Variants in CHN1 observed in about 807,000 individuals in gnomAD.
The protein encoded by CHN1 is N-chimaerin.
CHN1 carries 37 observed loss-of-function variants against 59.5 expected under a neutral mutation model. That is an observed-to-expected ratio of 0.62 (90% CI 0.48 to 0.82). The LOEUF (loss-of-function observed/expected upper bound fraction) is 0.82. Ranked by LOEUF, CHN1 falls within the 40% of genes least tolerant of loss-of-function variation. The probability of loss-of-function intolerance (pLI) is 0.00; values close to 1 mark genes in which losing one functional copy is unlikely to be tolerated. For missense variants in CHN1, 469 were observed against 571.0 expected, an observed-to-expected ratio of 0.82 and a Z score of 1.82; for synonymous variants, 206 against 200.4, an observed-to-expected ratio of 1.03 and a Z score of -0.24.
intron 7 of CHN1, among the ~76,000 whole-genome samples, chr2:174,840,048 A>G (rs1574075701): frequency 6.6e-6 from 1 of 151,644 alleles, no homozygotes; most frequent in East Asian, 1.9e-4. Context: ...TCAGGCAGAG[A>G]TGTCATTTGT....
At chr2:174,981,782 C>T (rs1185347928) in intron 1 of CHN1, among the ~76,000 whole-genome samples, 1 of 152,036 alleles carries the variant, frequency 6.6e-6, no homozygotes, top group Non-Finnish European at 1.5e-5. Context: ...AGTACAGTAT[C>T]AAATACACAC....
At chr2:174,900,291 A>T (rs1688346599) in intron 5 of CHN1, among the ~76,000 whole-genome samples, 1 of 152,094 alleles carries the variant, frequency 6.6e-6, no homozygotes, top group South Asian at 2.1e-4. Flanking sequence ...CCAGGAGTTC[A>T]GGAGAAGGCT....
chr2:174,848,341 G>A (rs1375938282), intron 6 of CHN1, among the ~76,000 whole-genome samples: 1 of 152,036 alleles, frequency 6.6e-6, no homozygotes, highest in African/African-American at 2.4e-5. Flanking sequence ...TTTGTTTGCT[G>A]GTGTAGAAAC....
chr2:174,915,781 T>C (rs1165119228), intron 4 of CHN1, among the ~76,000 whole-genome samples: 1 of 152,148 alleles, frequency 6.6e-6, no homozygotes, highest in Non-Finnish European at 1.5e-5. Context: ...ACAAATAACA[T>C]GCTCTTTACA....
At chr2:174,865,957 G>C (rs954346698) in intron 6 of CHN1, among the ~76,000 whole-genome samples, 2 of 152,164 alleles carry the variant, frequency 1.3e-5, no homozygotes, top group South Asian at 2.1e-4. Context: ...AGGTTATTAA[G>C]ACATGCTCAA....
At chr2:174,937,762 G>A (rs1237447320) in intron 3 of CHN1, among the ~76,000 whole-genome samples, 2 of 151,892 alleles carry the variant, frequency 1.3e-5, no homozygotes, top group African/African-American at 2.4e-5. Flanking sequence ...AAATCTGATT[G>A]CTAAAAAGCC....
chr2:174,935,940 T>C (rs556997868), intron 3 of CHN1, among the ~76,000 whole-genome samples: 1 of 152,044 alleles, frequency 6.6e-6, no homozygotes, highest in Non-Finnish European at 1.5e-5. Flanking sequence ...CTCTAAAAAA[T>C]ATATTAAAAG....
At chr2:174,958,850 A>G (rs1170984984) in intron 1 of CHN1, among the ~76,000 whole-genome samples, 7 of 152,278 alleles carry the variant, frequency 4.6e-5, no homozygotes, top group East Asian at 1.9e-4. Context: ...TGAAAACACA[A>G]TATTACCATA....
chr2:174,885,015 C>T (rs774293273), intron 5 of CHN1, among the ~76,000 whole-genome samples: 100 of 151,932 alleles, frequency 6.6e-4, no homozygotes, highest in Non-Finnish European at 1.1e-3. Flanking sequence ...TAGCCGGGCG[C>T]GGTGGCTCAT....
chr2:174,912,841 CCT>C (rs1171905933), intron 5 of CHN1, among the ~76,000 whole-genome samples: 3 of 152,090 alleles, frequency 2.0e-5, no homozygotes, highest in Admixed American at 6.5e-5. Flanking sequence ...CATTACAGCC[CCT>C]TTTTACTCAC....
At chr2:174,860,400 T>A in intron 6 of CHN1, among the ~76,000 whole-genome samples, 1 of 152,260 alleles carries the variant, frequency 6.6e-6, no homozygotes, top group Non-Finnish European at 1.5e-5. Flanking sequence ...AAGAATATAA[T>A]GTAAAAAAAT....
intron 8 of CHN1, among the ~76,000 whole-genome samples, chr2:174,813,758 T>C (rs1327237877): frequency 6.6e-6 from 1 of 152,242 alleles, no homozygotes; most frequent in African/African-American, 2.4e-5. Context: ...GGTGCATATA[T>C]GATTTATAGC....
chr2:174,843,818 AGGT>A (rs1339746728), intron 7 of CHN1, among the ~76,000 whole-genome samples: 12 of 152,150 alleles, frequency 7.9e-5, no homozygotes, highest in Admixed American at 7.9e-4. Context: ...AATTGACCCA[AGGT>A]GGTGCATATA....
chr2:174,915,245 C>G lies in CHN1; in HGVS notation c.147-74G>C, dbSNP rs1450701495. The G allele has an allele frequency of 4.0e-5, 42 of 1,056,228 alleles. No individual in the cohort carries two copies. In the East Asian group the frequency reaches 5.9e-4, roughly 15 times the overall value. 65.4% of individuals were successfully genotyped at this position (1,056,228 alleles called of 1,614,324 possible). Reference sequence around the variant, plus strand: ...AAAACAAGATAAAACAACGTCCCACCACCACCACCTTCTCTTGTTGTTTTC... The same window carrying G: ...AAAACAAGATAAAACAACGTCCCACGACCACCACCTTCTCTTGTTGTTTTC... On this transcript the variant is annotated intron_variant, in intron 4 of 12. Transcript: ENST00000409900.
chr2:175,003,277 A>G (rs3891498), intron 1 of CHN1, among the ~76,000 whole-genome samples: 75 of 152,352 alleles, frequency 4.9e-4, no homozygotes, highest in African/African-American at 1.7e-3. Context: ...ATTTTCCCAT[A>G]AGTAGACTTT....
At chr2:174,844,482 T>A (rs1329105190) in intron 7 of CHN1, among the ~76,000 whole-genome samples, 1 of 152,152 alleles carries the variant, frequency 6.6e-6, no homozygotes, top group African/African-American at 2.4e-5. Context: ...CACCTTGAAA[T>A]GAGGCTTTGG....
At chr2:174,847,202 T>C in intron 6 of CHN1, 1 of 1,479,890 alleles carries the variant, frequency 6.8e-7, no homozygotes, top group Non-Finnish European at 9.0e-7. Context: ...AGCTAACACA[T>C]GAGCATTCTG....
intron 6 of CHN1, among the ~76,000 whole-genome samples, chr2:174,859,286 G>GT: frequency 6.6e-6 from 1 of 152,242 alleles, no homozygotes. Context: ...GCTCTAGGAA[G>GT]ATATGTCATA....
At chr2:174,938,099 C>T (rs958231019) in intron 3 of CHN1, among the ~76,000 whole-genome samples, 1 of 152,124 alleles carries the variant, frequency 6.6e-6, no homozygotes, top group Admixed American at 6.6e-5. Context: ...CCGCCTCAAC[C>T]TCCCAAGTAG....
Sources: gnomAD v4.1 joint callset for allele counts (sites outside exome capture counted in the v4.1 genomes callset) on GRCh38, gnomAD v4.1.1 for gene constraint, MANE v1.5 for transcripts, NCBI Gene and HGNC (gene_info 2026-07-23, HGNC 2026-07-21) for gene names.